CTNND2: variants seen among roughly 807,000 people sequenced by gnomAD.
The protein encoded by CTNND2 is catenin delta 2, also known as catenin delta-2.
Under a neutral mutation model 144.4 loss-of-function variants are expected in CTNND2, and 22 were observed. The observed-to-expected ratio is 0.15, with a 90% CI of 0.11 to 0.22. The LOEUF (loss-of-function observed/expected upper bound fraction) is 0.22, where lower values mean the gene tolerates loss of function less well. Among genes scored for constraint, CTNND2 ranks in the 10% least tolerant of loss-of-function variants. The pLI is 1.00. For synonymous variants in CTNND2, 751 were observed against 695.6 expected, an observed-to-expected ratio of 1.08 and a Z score of -1.25; for missense variants, 1,353 against 1,618.8, an observed-to-expected ratio of 0.84 and a Z score of 2.82.
chr5:11,641,761 C>T (rs1371648615), intron 2 of CTNND2, among the ~76,000 whole-genome samples: 1 of 144,406 alleles, frequency 6.9e-6, no homozygotes, highest in Non-Finnish European at 1.5e-5. Flanking sequence ...TATGTACATA[C>T]ATATACGTAT....
chr5:11,702,906 G>A (rs543605346), intron 2 of CTNND2, among the ~76,000 whole-genome samples: 1 of 152,276 alleles, frequency 6.6e-6, no homozygotes, highest in South Asian at 2.1e-4. Flanking sequence ...TACTTAATTT[G>A]GAGGACAGGC....
chr5:11,618,046 T>C (rs1375662896), intron 2 of CTNND2, among the ~76,000 whole-genome samples: 3 of 152,140 alleles, frequency 2.0e-5, no homozygotes, highest in Non-Finnish European at 1.5e-5. Flanking sequence ...ACATGCCCTA[T>C]ACCTTCATCA....
At chr5:11,165,439 T>A (rs1362838652) in intron 11 of CTNND2, among the ~76,000 whole-genome samples, 1 of 152,240 alleles carries the variant, frequency 6.6e-6, no homozygotes, top group African/African-American at 2.4e-5. Context: ...TGTTTGTTTA[T>A]ATCTGAGGAT....
chr5:11,032,971 T>C (rs1010707865), intron 16 of CTNND2, among the ~76,000 whole-genome samples: 1 of 152,220 alleles, frequency 6.6e-6, no homozygotes, highest in Non-Finnish European at 1.5e-5. Flanking sequence ...GTGATGACAC[T>C]GTACACATAT....
At chr5:11,171,994 G>A (rs1045078377) in intron 11 of CTNND2, among the ~76,000 whole-genome samples, 11 of 152,074 alleles carry the variant, frequency 7.2e-5, no homozygotes, top group Non-Finnish European at 1.0e-4. Flanking sequence ...ACTTACATTC[G>A]GACAATTGTG....
At chr5:11,032,733 T>C (rs1436424620) in intron 16 of CTNND2, among the ~76,000 whole-genome samples, 6 of 152,226 alleles carry the variant, frequency 3.9e-5, no homozygotes, top group Non-Finnish European at 5.9e-5. Context: ...AATGGTATTA[T>C]GCTAAGTGAA....
chr5:11,404,440 A>G (rs1041467400), intron 5 of CTNND2, among the ~76,000 whole-genome samples: 3 of 152,030 alleles, frequency 2.0e-5, no homozygotes, highest in Non-Finnish European at 4.4e-5. Flanking sequence ...CCTGCCATTA[A>G]TAAGTGGTTA....
chr5:11,710,713 T>C (rs1049234699), intron 2 of CTNND2, among the ~76,000 whole-genome samples: 1 of 152,134 alleles, frequency 6.6e-6, no homozygotes, highest in Non-Finnish European at 1.5e-5. Context: ...GTCTATTTTT[T>C]CCCTAAATGC....
At chr5:11,032,515 C>G (rs1003841658) in intron 16 of CTNND2, among the ~76,000 whole-genome samples, 6 of 152,126 alleles carry the variant, frequency 3.9e-5, no homozygotes, top group Admixed American at 6.5e-5. Flanking sequence ...ATTGGTGAAG[C>G]ATTCAAAATG....
intron 3 of CTNND2, among the ~76,000 whole-genome samples, chr5:11,431,474 G>A (rs1763280807): frequency 6.6e-6 from 1 of 152,202 alleles, no homozygotes; most frequent in South Asian, 2.1e-4. Context: ...CAGCTGAAGT[G>A]ATGCTCTGAA....
intron 9 of CTNND2, among the ~76,000 whole-genome samples, chr5:11,317,332 A>G (rs1751616246): frequency 6.6e-6 from 1 of 152,174 alleles, no homozygotes; most frequent in South Asian, 2.1e-4. Flanking sequence ...CTCCTCACTG[A>G]TAACAGCATT....
chr5:11,068,774 G>T (rs143012593), intron 16 of CTNND2, among the ~76,000 whole-genome samples: 3,572 of 152,166 alleles, frequency 0.023, 152 homozygotes, highest in African/African-American at 0.082. Context: ...CAAATTATCC[G>T]GGCGTGGTGG....
chr5:11,619,860 A>G (rs1345332630), intron 2 of CTNND2, among the ~76,000 whole-genome samples: 4 of 152,174 alleles, frequency 2.6e-5, no homozygotes, highest in Admixed American at 1.3e-4. Flanking sequence ...GGGCATCCAG[A>G]TTGGTGGGTA....
intron 6 of CTNND2, among the ~76,000 whole-genome samples, chr5:11,392,100 C>G (rs1053874280): frequency 1.2e-4 from 18 of 152,182 alleles, no homozygotes; most frequent in Non-Finnish European, 4.4e-5. Context: ...AGAAATTTTG[C>G]AAACTATTTT....
intron 2 of CTNND2, among the ~76,000 whole-genome samples, chr5:11,704,459 C>G (rs1785601622): frequency 1.3e-5 from 2 of 152,152 alleles, no homozygotes; most frequent in African/African-American, 4.8e-5. Flanking sequence ...CAGTTGCTAC[C>G]TGGCAGAGTG....
At chr5:11,900,522 T>C (rs1400624342) in intron 1 of CTNND2, among the ~76,000 whole-genome samples, 2 of 152,224 alleles carry the variant, frequency 1.3e-5, no homozygotes, top group Non-Finnish European at 2.9e-5. Flanking sequence ...TGATAGAAAC[T>C]ATTTATTGAT....
intron 3 of CTNND2, among the ~76,000 whole-genome samples, chr5:11,536,248 G>A (rs964737950): frequency 9.9e-5 from 15 of 151,940 alleles, no homozygotes; most frequent in Non-Finnish European, 1.6e-4. Context: ...TTTTTTGGTA[G>A]AGATAGGGTC....
At chr5:11,413,487 C>T (rs1181399183) in intron 3 of CTNND2, among the ~76,000 whole-genome samples, 1 of 152,100 alleles carries the variant, frequency 6.6e-6, no homozygotes, top group Non-Finnish European at 1.5e-5. Flanking sequence ...TATCAAAATA[C>T]TACTGTTTAA....
At chr5:11,668,349 T>C (rs541819473) in intron 2 of CTNND2, among the ~76,000 whole-genome samples, 1 of 152,252 alleles carries the variant, frequency 6.6e-6, no homozygotes, top group African/African-American at 2.4e-5. Context: ...ATCAATTACT[T>C]TGGGCAGTAT....
Sources: gnomAD v4.1 joint callset for allele counts (sites outside exome capture counted in the v4.1 genomes callset) on GRCh38, gnomAD v4.1.1 for gene constraint, MANE v1.5 for transcripts, NCBI Gene and HGNC (gene_info 2026-07-23, HGNC 2026-07-21) for gene names.